The following TAF1B variants were observed in gnomAD, a reference collection of about 807,000 sequenced individuals.
The protein encoded by TAF1B is TATA-box binding protein associated factor, RNA polymerase I subunit B.
Under a neutral mutation model 83.9 loss-of-function variants are expected in TAF1B, and 61 were observed. That is an observed-to-expected ratio of 0.73 (90% CI 0.59 to 0.90). The LOEUF (loss-of-function observed/expected upper bound fraction) is 0.90, where lower values mean the gene tolerates loss of function less well. Among genes scored for constraint, TAF1B ranks in the 40% least tolerant of loss-of-function variants. The probability of loss-of-function intolerance (pLI) is 0.00; values close to 1 mark genes in which losing one functional copy is unlikely to be tolerated. For synonymous variants in TAF1B, 221 were observed against 224.6 expected, an observed-to-expected ratio of 0.98 and a Z score of 0.14; for missense variants, 625 against 677.0, an observed-to-expected ratio of 0.92 and a Z score of 0.85.
chr2:9,843,718 G>A lies in TAF1B; in HGVS notation c.18+159G>A, dbSNP rs1236043176. 1.4e-5 allele frequency: 11 copies of A among 788,742 alleles called. 1 individual carries two copies. The highest frequency in any genetic ancestry group is 3.8e-5 in the Admixed American group (1 of 26,404). The allele number at this position is 788,742 out of a possible 1,614,324, so 48.9% of individuals were successfully genotyped here. ...CAGGGCGGGCTAAGGACTGGGGCTG[G>A]CCGGCCGCATGCGCGCGCGGCTTTG... On this transcript the variant is annotated intron_variant, in intron 1 of 14. Coordinates refer to ENST00000263663, the MANE Select transcript of TAF1B (RefSeq NM_005680.3).
intron 2 of TAF1B, 118 bp from the exon 3 acceptor site, chr2:9,849,255 C>A: frequency 3.1e-6 from 2 of 650,742 alleles, no homozygotes; most frequent in Non-Finnish European, 2.6e-6. Flanking sequence ...CAAGATTTTA[C>A]CATCCTTGGT....
intron 3 of TAF1B, among the ~76,000 whole-genome samples, chr2:9,851,224 A>G (rs1161321426): frequency 6.6e-6 from 1 of 152,172 alleles, no homozygotes; most frequent in Middle Eastern, 3.2e-3. Context: ...CATGGTGACT[A>G]TTCATTTTTC....
intron 8 of TAF1B, among the ~76,000 whole-genome samples, chr2:9,896,729 C>T (rs1665031785): frequency 6.7e-6 from 1 of 148,912 alleles, no homozygotes; most frequent in African/African-American, 2.5e-5. Flanking sequence ...GCCCCTCTGT[C>T]TTAATAACAA....
chr2:9,846,179 A>T, intron 2 of TAF1B: 1 of 463,060 alleles, frequency 2.2e-6, no homozygotes, highest in South Asian at 1.6e-5. Flanking sequence ...AAGTACCAGG[A>T]CTTGAATGTG....
At chr2:9,903,124 C>A (rs977159137) in intron 8 of TAF1B, among the ~76,000 whole-genome samples, 1 of 152,106 alleles carries the variant, frequency 6.6e-6, no homozygotes, top group East Asian at 1.9e-4. Flanking sequence ...CTGGCTCTGT[C>A]GCCCAGGCTG....
chr2:9,883,676 AAC>A (rs1261544651), intron 8 of TAF1B, among the ~76,000 whole-genome samples: 1 of 152,236 alleles, frequency 6.6e-6, no homozygotes, highest in Non-Finnish European at 1.5e-5. Flanking sequence ...TCCATTGACA[AAC>A]ACAGAGCTGG....
rs889372122 is a variant in TAF1B, at chr2:9,865,188, A to T, written c.400-3088A>T. Among the ~76,000 whole-genome samples the T allele has an allele frequency of 2.0e-5, 3 of 152,238 alleles. No homozygotes were observed. In the East Asian group the frequency reaches 5.8e-4, roughly 29 times the overall value. On this transcript the variant is annotated intron_variant, in intron 5 of 14. Coordinates refer to ENST00000263663, the MANE Select transcript of TAF1B (RefSeq NM_005680.3). ...GATGACATGATTATATGTCTAGAGAACCCCATTGTCTCAGCCCAAAATCTC... is the reference window on the plus strand; with the variant it reads ...GATGACATGATTATATGTCTAGAGATCCCCATTGTCTCAGCCCAAAATCTC...
At chr2:9,859,232 C>A (rs1484374472) in intron 5 of TAF1B, among the ~76,000 whole-genome samples, 1 of 152,188 alleles carries the variant, frequency 6.6e-6, no homozygotes, top group Non-Finnish European at 1.5e-5. Flanking sequence ...TTCTCAGCTT[C>A]AAAGTTCTGC....
At chr2:9,874,172 A>C (rs909836456) in intron 6 of TAF1B, among the ~76,000 whole-genome samples, 2 of 152,154 alleles carry the variant, frequency 1.3e-5, no homozygotes, top group African/African-American at 4.8e-5. Flanking sequence ...AGATTTACGT[A>C]GAAACTATAT....
chr2:9,921,289 C>T (rs1218668179), intron 14 of TAF1B, among the ~76,000 whole-genome samples: 7 of 152,070 alleles, frequency 4.6e-5, no homozygotes, highest in African/African-American at 1.7e-4. Context: ...CGAGGGTCTC[C>T]CTATGCTGCC....
intron 8 of TAF1B, among the ~76,000 whole-genome samples, chr2:9,901,920 T>C (rs1192854062): frequency 6.6e-6 from 1 of 152,176 alleles, no homozygotes; most frequent in Admixed American, 6.5e-5. Context: ...GCCACATTGC[T>C]ACTTTGGATT....
chr2:9,877,822 C>T (rs1664369397), intron 7 of TAF1B, among the ~76,000 whole-genome samples: 1 of 152,030 alleles, frequency 6.6e-6, no homozygotes, highest in Non-Finnish European at 1.5e-5. Context: ...CTACCCACCC[C>T]TCTTCTCTCC....
intron 9 of TAF1B, among the ~76,000 whole-genome samples, 193 bp downstream of exon 9, chr2:9,905,199 T>TA (rs1188503665): frequency 6.6e-6 from 1 of 152,192 alleles, no homozygotes; most frequent in Non-Finnish European, 1.5e-5. Flanking sequence ...TATTCAGAAA[T>TA]AGAGTTTTCA....
At chr2:9,846,431 C>G (rs1663210309) in intron 2 of TAF1B, among the ~76,000 whole-genome samples, 1 of 152,150 alleles carries the variant, frequency 6.6e-6, no homozygotes, top group South Asian at 2.1e-4. Context: ...TCCTCAAAGT[C>G]TACAGATCCA....
chr2:9,862,236 A>G (rs1046080001), intron 5 of TAF1B, among the ~76,000 whole-genome samples: 4 of 152,222 alleles, frequency 2.6e-5, no homozygotes, highest in African/African-American at 7.2e-5. Context: ...TAACCAATGC[A>G]GAGAAGTCCT....
chr2:9,900,394 G>A lies in TAF1B; in HGVS notation c.808-4465G>A, dbSNP rs181178476. 1.7e-4 allele frequency among the ~76,000 whole-genome samples: 26 copies of A among 152,228 alleles called. 2 individuals carry two copies. Among genetic ancestry groups the A allele is most frequent in the Admixed American group, 1.7e-3 (26 of 15,288 alleles). ...ACAAAAAATACAAAAAATTAGCTGG[G>A]TGTGGTGGTGCATGCCTATAGTCTC... On this transcript the variant is annotated intron_variant, in intron 8 of 14. Transcript: ENST00000263663.
intron 1 of TAF1B, 147 bp downstream of exon 1, chr2:9,843,706 G>A: frequency 1.1e-6 from 1 of 922,672 alleles, no homozygotes; most frequent in Non-Finnish European, 1.5e-6. Context: ...GGCGGGCTAA[G>A]GACTGGGGCT....
At chr2:9,904,636 C>T (rs1665285822) in intron 8 of TAF1B, among the ~76,000 whole-genome samples, 1 of 152,164 alleles carries the variant, frequency 6.6e-6, no homozygotes, top group African/African-American at 2.4e-5. Context: ...TGAATGGCAG[C>T]TCTGTTTTAA....
intron 9 of TAF1B, among the ~76,000 whole-genome samples, chr2:9,905,903 C>T (rs1014945623): frequency 4.6e-5 from 7 of 152,054 alleles, no homozygotes; most frequent in Non-Finnish European, 1.0e-4. Context: ...TTAAATTTTT[C>T]AAATGTAACA....
Sources: gnomAD v4.1 joint callset for allele counts (sites outside exome capture counted in the v4.1 genomes callset) on GRCh38, gnomAD v4.1.1 for gene constraint, MANE v1.5 for transcripts, NCBI Gene and HGNC (gene_info 2026-07-23, HGNC 2026-07-21) for gene names.